Variants in RNFT1 observed in about 807,000 individuals in gnomAD.
RNFT1 encodes the protein ring finger protein, transmembrane 1, also known as E3 ubiquitin-protein ligase RNFT1.
RNFT1 carries 35 observed loss-of-function variants against 53.2 expected under a neutral mutation model. The ratio of observed to expected loss-of-function variants is 0.66; its 90% CI spans 0.50 to 0.87. The LOEUF (loss-of-function observed/expected upper bound fraction) is 0.87, where lower values mean the gene tolerates loss of function less well. RNFT1 is among the 40% of genes least tolerant of loss of function. RNFT1 has a pLI of 0.00. For synonymous variants in RNFT1, 141 were observed against 172.8 expected, an observed-to-expected ratio of 0.82 and a Z score of 1.44; for missense variants, 421 against 515.0, an observed-to-expected ratio of 0.82 and a Z score of 1.77.
chr17:59,956,507 C>T lies in RNFT1; in HGVS notation c.1052G>A (p.Arg351Gln), dbSNP rs777117173. 8.1e-6 allele frequency: 13 copies of T among 1,611,756 alleles called. No individual in the cohort carries two copies. In the East Asian group the frequency reaches 8.9e-5, roughly 11 times the overall value. Residue 351 changes from arginine to glutamine, a missense_variant, in exon 7 of 9, where the codon CGA (arginine) becomes CAA (glutamine). Arg to Gln is a conservative substitution (Grantham distance 43, BLOSUM62 1). Coordinates refer to ENST00000305783, the MANE Select transcript of RNFT1 (RefSeq NM_016125.4). ...GHLRTFRQVL[R>Q]IFFTQPSYGV... is the part of the protein sequence containing the mutation. ...ACTTACTGGTTGTGTAAAAAATATT[C>T]GTAAAACCTGTCTGAAAGTTCTCAG... is the stretch of plus-strand genomic sequence containing the variant.
Position 59,952,907 on chromosome 17 carries a change from C to CTGCA in RNFT1, c.*69_*70insTGCA. On this transcript the variant is annotated 3_prime_UTR_variant, in exon 9 of 9. Transcript: ENST00000305783. ...TTTCTGGTAGCCCTGAAAATCCATT[C>CTGCA]TGATGCCTTATCAGTAGTCATTATG... 6 of 1,440,874 alleles carry CTGCA rather than the reference C, an allele frequency of 4.2e-6. No homozygotes were observed. The highest frequency in any genetic ancestry group is 5.7e-6 in the Non-Finnish European group (6 of 1,051,968). 89.3% of individuals were successfully genotyped at this position (1,440,874 alleles called of 1,614,324 possible).
In RNFT1 at chr17:59,963,164, G is replaced by A; in HGVS notation, c.177C>T (p.Thr59=). Residue 59 remains threonine (T), a synonymous_variant, in exon 2 of 9, where the codon ACC becomes ACT. Transcript: ENST00000305783. ...TCAATCTTGTGTGGACACACTGAGG[G>A]GTTGAGGCATCCTCACTGCTTCCAG... is the stretch of plus-strand genomic sequence containing the variant. The part of the protein sequence containing the change: ...PGTGSSEDAS[T]PQCVHTRLTG... The A allele has an allele frequency of 1.2e-6, 2 of 1,614,212 alleles. No homozygotes were observed. The highest frequency in any genetic ancestry group is 2.2e-5 in the East Asian group (1 of 44,894).
chr17:59,955,135 T>G (rs1215319611), intron 7 of RNFT1, among the ~76,000 whole-genome samples: 1 of 152,174 alleles, frequency 6.6e-6, no homozygotes, highest in Non-Finnish European at 1.5e-5. Flanking sequence ...TATCTAAACT[T>G]CTTGTACTAA....
chr17:59,955,470 G>C lies in RNFT1; in HGVS notation c.1071+1018C>G, dbSNP rs188582642. 3.9e-5 allele frequency among the ~76,000 whole-genome samples: 6 copies of C among 152,304 alleles called. No homozygotes were observed. The East Asian group carries it at 1.2e-3, about 29-fold the overall frequency. On this transcript the variant is annotated intron_variant, in intron 7 of 8. Transcript: ENST00000305783. ...TATCCTCTCTGTAGTTTGTCTCAGA[G>C]AAAGAATATCAGGGTATTTTCTTGA...
At chr17:59,953,232 G>C in intron 8 of RNFT1, 121 bp from the exon 9 acceptor site, 1 of 785,392 alleles carries the variant, frequency 1.3e-6, no homozygotes, top group Non-Finnish European at 1.9e-6. Flanking sequence ...GTCTTGCTCT[G>C]TCACCCAGGC....
At chr17:59,963,933 G>C (rs1283999211) in intron 1 of RNFT1, among the ~76,000 whole-genome samples, 1 of 152,028 alleles carries the variant, frequency 6.6e-6, no homozygotes, top group African/African-American at 2.4e-5. Context: ...TTAAAGCATA[G>C]ATACTTTGGA....
chr17:59,954,125 T>C lies in RNFT1; in HGVS notation c.1093A>G (p.Lys365Glu). 6.2e-7 allele frequency: 1 copy of C among 1,600,574 alleles called. No individual in the cohort carries two copies. Among genetic ancestry groups the C allele is most frequent in the Non-Finnish European group, 8.5e-7 (1 of 1,175,648 alleles). ...TQPSYGVAAS[K>E]RQCSDVDDIC... ...TCATCCACATCTGAACACTGTCTCT[T>C]GCTGGCAGCCACTCCATAACTCTAT... is the stretch of plus-strand genomic sequence containing the variant. Residue 365 changes from lysine to glutamate, a missense_variant, in exon 8 of 9, where the codon AAG becomes GAG. Transcript: ENST00000305783.
intron 4 of RNFT1, 108 bp from the exon 5 acceptor site, chr17:59,958,552 T>G: frequency 1.1e-6 from 1 of 943,968 alleles, no homozygotes. Flanking sequence ...GTAAAAAATA[T>G]GAGTTTGGCA....
At chr17:59,961,306 G>A (rs2045290381) in intron 3 of RNFT1, among the ~76,000 whole-genome samples, 2 of 152,074 alleles carry the variant, frequency 1.3e-5, no homozygotes, top group South Asian at 2.1e-4. Flanking sequence ...CCAAAGTGCT[G>A]AGATTACAGG....
At chr17:59,958,194 G>T in intron 5 of RNFT1, 97 bp downstream of exon 5, 1 of 1,304,008 alleles carries the variant, frequency 7.7e-7, no homozygotes, top group Non-Finnish European at 1.0e-6. Flanking sequence ...TTAGCAAACT[G>T]AAAAACTGCA....
chr17:59,957,211 TAA>T lies in RNFT1; in HGVS notation c.1005+11_1005+12del. ...GTGAATCATGCAGTGACAAGATTTG[TAA>T]TGTTACCTACTTTTAATATGAGGTA... On this transcript the variant is annotated intron_variant, in intron 6 of 8. Coordinates refer to ENST00000305783, the MANE Select transcript of RNFT1 (RefSeq NM_016125.4). The T allele has an allele frequency of 6.2e-7, 1 of 1,608,470 alleles. No homozygotes were observed. The highest frequency in any genetic ancestry group is 8.5e-7 in the Non-Finnish European group (1 of 1,177,816).
chr17:59,952,312 T>C lies in RNFT1; in HGVS notation c.*665A>G, dbSNP rs2045224099. ...TGGTACTATACAAAAAGCATGATCA[T>C]GAACATTAAAGCTGATGGCAGGAAG... On this transcript the variant is annotated 3_prime_UTR_variant, in exon 9 of 9. Coordinates refer to ENST00000305783, the MANE Select transcript of RNFT1 (RefSeq NM_016125.4). The C allele has an allele frequency of 6.6e-6, 1 of 152,208 alleles. No individual in the cohort carries two copies. Among genetic ancestry groups the C allele is most frequent in the Non-Finnish European group, 1.5e-5 (1 of 68,040 alleles). The allele number at this position is 152,208 out of a possible 1,614,324, so 9.4% of individuals were successfully genotyped here. A position where few individuals can be genotyped will look rare whatever the true frequency, so the allele number is the denominator to read the frequency against.
At chr17:59,960,251 T>A in intron 3 of RNFT1, 83 bp from the exon 4 acceptor site, 3 of 1,399,376 alleles carry the variant, frequency 2.1e-6, no homozygotes, top group South Asian at 2.8e-5. Context: ...TTAATGACTA[T>A]TAACTTAGAA....
chr17:59,961,532 C>T (rs1024637), intron 3 of RNFT1, among the ~76,000 whole-genome samples: 64,333 of 151,880 alleles, frequency 0.42, 16,410 homozygotes, highest in South Asian at 0.57. Flanking sequence ...ATTTATATGA[C>T]GGGCTCGTGT....
chr17:59,952,743 T>A lies in RNFT1; in HGVS notation c.*234A>T, dbSNP rs970746198. On this transcript the variant is annotated 3_prime_UTR_variant, in exon 9 of 9. Coordinates refer to ENST00000305783, the MANE Select transcript of RNFT1 (RefSeq NM_016125.4). The stretch of plus-strand genomic sequence containing the variant: ...TACAATTTAACACTGCAGTTACCTG[T>A]CAAATAATTAGAATAGAATAAATGT... 11 of 323,824 alleles carry A rather than the reference T, an allele frequency of 3.4e-5. No homozygotes were observed. The highest frequency in any genetic ancestry group is 3.4e-4 in the Admixed American group (7 of 20,880). 20.1% of individuals were successfully genotyped at this position (323,824 alleles called of 1,614,324 possible).
At position 59,963,162 on chromosome 17, in the gene RNFT1, G is replaced by C. The variant is rs747544806; in HGVS notation, c.179C>G (p.Pro60Arg). 2.4e-5 allele frequency: 39 copies of C among 1,614,106 alleles called. No individual in the cohort carries two copies. Among genetic ancestry groups the C allele is most frequent in the Non-Finnish European group, 3.2e-5 (38 of 1,180,048 alleles). ...GTGSSEDAST[P>R]QCVHTRLTGE... ...TGTCAATCTTGTGTGGACACACTGA[G>C]GGGTTGAGGCATCCTCACTGCTTCC... The change falls in exon 2 of 9, where the codon CCT becomes CGT. Residue 60 changes from proline (P) to arginine (R), a missense_variant. Physicochemically the swap from Pro to Arg is moderately radical, Grantham distance 103. Coordinates refer to ENST00000305783, the MANE Select transcript of RNFT1 (RefSeq NM_016125.4).
chr17:59,964,477 C>G (rs993026746), intron 1 of RNFT1, 131 bp downstream of exon 1: 32 of 718,940 alleles, frequency 4.5e-5, no homozygotes, highest in Non-Finnish European at 7.0e-5. Context: ...AAATTCAACA[C>G]AACTCTTCCG....
Position 59,956,569 on chromosome 17 carries a change from A to C in RNFT1, c.1006-16T>G. 1 of 1,604,518 alleles carries C rather than the reference A, an allele frequency of 6.2e-7. No individual in the cohort carries two copies. The highest frequency in any genetic ancestry group is 8.5e-7 in the Non-Finnish European group (1 of 1,172,498). On this transcript the variant is annotated splice_polypyrimidine_tract_variant and intron_variant, in intron 6 of 8. Transcript: ENST00000305783. Reference sequence around the variant, plus strand: ...ATTCCAAAAGCTGAAAAGAGAAATAAGAGATCATTTATTAATTCAAACAGT... The same window carrying C: ...ATTCCAAAAGCTGAAAAGAGAAATACGAGATCATTTATTAATTCAAACAGT...
intron 1 of RNFT1, 114 bp downstream of exon 1, chr17:59,964,494 C>T: frequency 2.3e-6 from 2 of 875,174 alleles, no homozygotes; most frequent in Non-Finnish European, 3.4e-6. Flanking sequence ...TCCGGAATCT[C>T]CGAGGGCAGA....
Sources: allele counts gnomAD v4.1 joint callset (sites outside exome capture counted in the v4.1 genomes callset), GRCh38; gene constraint gnomAD v4.1.1; transcripts MANE v1.5; gene names NCBI Gene and HGNC (gene_info 2026-07-23, HGNC 2026-07-21).